ITPK1: variants seen among roughly 807,000 people sequenced by gnomAD.
ITPK1 encodes the protein inositol 1,3,4-trisphosphate 5/6-kinase.
A neutral mutation model predicts 45.3 loss-of-function variants in ITPK1; 21 were observed. That is an observed-to-expected ratio of 0.46 (90% confidence interval 0.33 to 0.67). The LOEUF (loss-of-function observed/expected upper bound fraction) is 0.67. ITPK1 is among the 30% of genes least tolerant of loss of function. The pLI, the probability that ITPK1 is intolerant of heterozygous loss-of-function variation, is 0.02. For missense variants in ITPK1, 474 were observed against 573.5 expected (o/e 0.83, Z 1.77); for synonymous variants, 258 against 253.6 (o/e 1.02, Z -0.16).
chr14:93,011,773 A>T (rs906961440), intron 4 of ITPK1, among the ~76,000 whole-genome samples: 4 of 152,104 alleles, frequency 2.6e-5, no homozygotes, highest in Admixed American at 2.0e-4. Context: ...CCAAAGAGTA[A>T]ACAGTGTCCT....
intron 3 of ITPK1, among the ~76,000 whole-genome samples, chr14:93,019,196 G>A (rs1888345380): frequency 2.6e-5 from 4 of 152,228 alleles, no homozygotes; most frequent in Non-Finnish European, 5.9e-5. Flanking sequence ...GGCCACAGGA[G>A]CGACGCATCC....
rs934076092 is a variant in ITPK1 at position 93,034,105 on chromosome 14, G to A, written c.121-17304C>T. 3.9e-5 allele frequency among the ~76,000 whole-genome samples: 6 copies of A among 152,114 alleles called. No individual in the cohort carries two copies. Among genetic ancestry groups the A allele is most frequent in the African/African-American group, 1.2e-4 (5 of 41,428 alleles). On this transcript the variant is annotated intron_variant, in intron 3 of 10. Transcript: ENST00000267615. The surrounding 1 kb of genome is among the most constrained non-coding windows in gnomAD (Gnocchi z 4.1). ...TATCCAAAGTGTAGCCCCAAAAGCC[G>A]TCTAATACTTCCCCATGGGTCCCTG... is the stretch of plus-strand genomic sequence containing the variant.
Position 92,941,026 on chromosome 14 carries a change from C to T in ITPK1, c.*535G>A, listed in dbSNP as rs1238390744. The T allele has an allele frequency of 8.0e-7, 1 of 1,247,248 alleles. No homozygotes were observed. Among genetic ancestry groups the T allele is most frequent in the Middle Eastern group, 3.5e-4 (1 of 2,876 alleles). 77.3% of individuals were successfully genotyped at this position (1,247,248 alleles called of 1,614,324 possible). On this transcript the variant is annotated 3_prime_UTR_variant, in exon 11 of 11. Coordinates refer to ENST00000267615, the MANE Select transcript of ITPK1 (RefSeq NM_014216.6). ...TGGGGAGGGAGGGGTTAGCTGCACA[C>T]CAGGCAGGGTGGGGGCTAACAAAGC...
In ITPK1 at chr14:93,077,178, A is replaced by G. The variant is rs1891259138; in HGVS notation, c.96-559T>C. On this transcript the variant is annotated intron_variant, in intron 2 of 10. Transcript: ENST00000267615. Reference sequence around the variant, plus strand: ...TCCAAGCTGCACTCATGTCCTCTACATCTTCCCCGCTCACATGCAGTCCCA... The same window carrying G: ...TCCAAGCTGCACTCATGTCCTCTACGTCTTCCCCGCTCACATGCAGTCCCA... Among the ~76,000 whole-genome samples, 6 of 151,960 alleles carry G rather than the reference A, an allele frequency of 3.9e-5. No individual in the cohort carries two copies. In the South Asian group the frequency reaches 1.2e-3, roughly 32 times the overall value.
At chr14:93,057,771 C>T (rs1002488679) in intron 3 of ITPK1, among the ~76,000 whole-genome samples, 1 of 152,210 alleles carries the variant, frequency 6.6e-6, no homozygotes, top group Non-Finnish European at 1.5e-5. Flanking sequence ...TTCATGCTCT[C>T]CCATGGGGGC....
At chr14:93,027,956 A>G (rs1888826731) in intron 3 of ITPK1, among the ~76,000 whole-genome samples, 1 of 152,050 alleles carries the variant, frequency 6.6e-6, no homozygotes, top group Non-Finnish European at 1.5e-5. Flanking sequence ...GAGCAGTGGG[A>G]AAAAAAGGGG....
chr14:93,028,504 G>A (rs1378607433), intron 3 of ITPK1, among the ~76,000 whole-genome samples: 1 of 152,248 alleles, frequency 6.6e-6, no homozygotes, highest in East Asian at 1.9e-4. Context: ...ATGGAGGGGT[G>A]GAGGCAGCTG....
chr14:92,948,043 A>G (rs1252179043), intron 9 of ITPK1, among the ~76,000 whole-genome samples: 1 of 152,228 alleles, frequency 6.6e-6, no homozygotes, highest in Non-Finnish European at 1.5e-5. Context: ...TATGCCACAA[A>G]GCGGAGGAAC....
intron 3 of ITPK1, among the ~76,000 whole-genome samples, chr14:93,028,450 C>A (rs796973164): frequency 6.6e-6 from 1 of 152,224 alleles, no homozygotes; most frequent in Admixed American, 6.5e-5. Flanking sequence ...TGTGTGCCCA[C>A]GCCAAGGATG....
chr14:93,097,342 G>C lies in ITPK1; in HGVS notation c.95+17727C>G, dbSNP rs576742761. Among the ~76,000 whole-genome samples the C allele has an allele frequency of 7.9e-4, 120 of 152,330 alleles. No homozygotes were observed. In the Middle Eastern group the frequency reaches 0.014, roughly 17 times the overall value. ...TAGAGACACAAACGGGCCTCCAGAG[G>C]CCTTGGAAACATCCACTGTTAGTGT... On this transcript the variant is annotated intron_variant, in intron 2 of 10. Transcript: ENST00000267615.
At chr14:93,007,938 C>T (rs553218424) in intron 4 of ITPK1, among the ~76,000 whole-genome samples, 119 of 152,326 alleles carry the variant, frequency 7.8e-4, no homozygotes, top group Non-Finnish European at 1.2e-3. Flanking sequence ...GGAGCTGGCA[C>T]GATATTTTGT....
At chr14:93,033,330 C>G (rs1351317351) in intron 3 of ITPK1, among the ~76,000 whole-genome samples, 2 of 152,144 alleles carry the variant, frequency 1.3e-5, no homozygotes, top group Non-Finnish European at 2.9e-5. Context: ...GACCTGTGAG[C>G]CTTGTGAAAA....
intron 3 of ITPK1, chr14:93,066,198 C>T (rs1009158305): frequency 1.3e-5 from 6 of 454,230 alleles, no homozygotes; most frequent in South Asian, 3.1e-5. Context: ...GTAGACACAG[C>T]GCACATCAGG....
At chr14:93,008,867 C>T (rs1887749334) in intron 4 of ITPK1, among the ~76,000 whole-genome samples, 2 of 152,206 alleles carry the variant, frequency 1.3e-5, no homozygotes, top group Admixed American at 6.5e-5. Context: ...GATGTTAGTC[C>T]TCTTGGTGTG....
chr14:92,952,443 T>C (rs1257189066), intron 8 of ITPK1, among the ~76,000 whole-genome samples: 1 of 152,144 alleles, frequency 6.6e-6, no homozygotes, highest in Non-Finnish European at 1.5e-5. Context: ...CACGGGACTC[T>C]CTTTTGGGGA....
rs551866479 is a variant in ITPK1, at chr14:92,937,528, A to C, written c.*4033T>G. 3 of 152,422 alleles carry C rather than the reference A, an allele frequency of 2.0e-5. No individual in the cohort carries two copies. Among genetic ancestry groups the C allele is most frequent in the South Asian group, 2.1e-4 (1 of 4,834 alleles). 9.4% of individuals were successfully genotyped at this position (152,422 alleles called of 1,614,324 possible). ...GCTCCTGCGGGTGAGAATCAGAAGA[A>C]GACCCCAACCAGCAGGAGGCCATGG... On this transcript the variant is annotated 3_prime_UTR_variant, in exon 11 of 11. Transcript: ENST00000267615.
chr14:92,974,977 CTG>C (rs1478096233), intron 5 of ITPK1, among the ~76,000 whole-genome samples: 3 of 152,226 alleles, frequency 2.0e-5, no homozygotes, highest in Non-Finnish European at 4.4e-5. Flanking sequence ...TAGGGCAGGA[CTG>C]TGTCTCCTCC....
chr14:92,997,455 T>C (rs1887113941), intron 4 of ITPK1, among the ~76,000 whole-genome samples: 1 of 152,214 alleles, frequency 6.6e-6, no homozygotes, highest in African/African-American at 2.4e-5. Flanking sequence ...AACAGAAGAA[T>C]TCTTCCTAAA....
chr14:92,982,562 C>T (rs1886287000), intron 5 of ITPK1, among the ~76,000 whole-genome samples: 1 of 152,152 alleles, frequency 6.6e-6, no homozygotes, highest in African/African-American at 2.4e-5. Context: ...CTCAGGGCCT[C>T]CAGAAGATCA....
Sources: allele counts gnomAD v4.1 joint callset (sites outside exome capture counted in the v4.1 genomes callset), GRCh38; gene constraint gnomAD v4.1.1; non-coding constraint Gnocchi (gnomAD v3.1); transcripts MANE v1.5; gene names NCBI Gene and HGNC (gene_info 2026-07-23, HGNC 2026-07-21).